The following SHOC2 variants were observed in gnomAD, a reference collection of about 807,000 sequenced individuals.
SHOC2 encodes the protein leucine-rich repeat protein SHOC-2.
Under a neutral mutation model 50.2 loss-of-function variants are expected in SHOC2, and 4 were observed. That is an observed-to-expected ratio of 0.08 (90% CI 0.04 to 0.18). The LOEUF is 0.18. SHOC2 is among the 10% of genes least tolerant of loss of function. The probability of loss-of-function intolerance (pLI) is 1.00; values close to 1 mark genes in which losing one functional copy is unlikely to be tolerated. For missense variants in SHOC2, 388 were observed against 669.6 expected (o/e 0.58, Z 4.64); for synonymous variants, 218 against 244.5 (o/e 0.89, Z 1.01).
At chr10:110,993,311 G>C (rs1028228751) in intron 3 of SHOC2, among the ~76,000 whole-genome samples, 1 of 152,218 alleles carries the variant, frequency 6.6e-6, no homozygotes, top group Non-Finnish European at 1.5e-5. Context: ...TGAAACCACT[G>C]CAGAGGGTGA....
At chr10:110,953,484 G>A (rs774073004) in intron 1 of SHOC2, among the ~76,000 whole-genome samples, 1 of 151,956 alleles carries the variant, frequency 6.6e-6, no homozygotes, top group African/African-American at 2.4e-5. Context: ...TCATTTTAGC[G>A]CTGATTAATA....
intron 2 of SHOC2, among the ~76,000 whole-genome samples, chr10:110,984,139 G>A (rs747306754): frequency 1.3e-5 from 2 of 152,098 alleles, no homozygotes; most frequent in Non-Finnish European, 2.9e-5. Context: ...CAAAGGTTCC[G>A]ATTTCTCCAC....
chr10:111,000,624 C>G (rs1479583880), intron 4 of SHOC2, 79 bp downstream of exon 4: 8 of 1,279,156 alleles, frequency 6.3e-6, no homozygotes, highest in Non-Finnish European at 8.9e-6. Context: ...ATCTTTATAG[C>G]AGGGTAAATA....
chr10:110,937,840 A>G (rs1847059598), intron 1 of SHOC2, among the ~76,000 whole-genome samples: 1 of 152,236 alleles, frequency 6.6e-6, no homozygotes, highest in Admixed American at 6.5e-5. Context: ...AACATTAAGA[A>G]TGAAACTAGT....
chr10:110,935,614 T>C (rs1194763081), intron 1 of SHOC2, among the ~76,000 whole-genome samples: 1 of 152,318 alleles, frequency 6.6e-6, no homozygotes, highest in Non-Finnish European at 1.5e-5. Flanking sequence ...TATAGTTACA[T>C]TCTATTTTGA....
chr10:110,999,951 ATT>A (rs997015368), intron 3 of SHOC2, among the ~76,000 whole-genome samples: 1 of 152,100 alleles, frequency 6.6e-6, no homozygotes, highest in African/African-American at 2.4e-5. Context: ...TCAGAAAATA[ATT>A]TATATTTTAA....
intron 4 of SHOC2, among the ~76,000 whole-genome samples, chr10:111,003,994 G>T (rs542684852): frequency 6.6e-6 from 1 of 152,252 alleles, no homozygotes; most frequent in South Asian, 2.1e-4. Context: ...GCAAGATGGG[G>T]TTATGTGCTA....
chr10:110,967,671 T>C (rs569314160), intron 2 of SHOC2, among the ~76,000 whole-genome samples: 179 of 152,298 alleles, frequency 1.2e-3, no homozygotes, highest in Middle Eastern at 6.8e-3. Context: ...CTACTTTCTG[T>C]CTCTATAGAT....
intron 2 of SHOC2, among the ~76,000 whole-genome samples, chr10:110,984,917 C>G (rs992995076): frequency 2.6e-5 from 4 of 152,086 alleles, no homozygotes; most frequent in African/African-American, 9.7e-5. Context: ...AACTTGAACA[C>G]CTTCCAAAGG....
chr10:110,964,938 C>T lies in SHOC2; in HGVS notation c.580C>T (p.Leu194Phe). 1.9e-6 allele frequency: 3 copies of T among 1,613,740 alleles called. No homozygotes were observed. Among genetic ancestry groups the T allele is most frequent in the Non-Finnish European group, 2.5e-6 (3 of 1,179,916 alleles). ...IPSVVYRLDS[L>F]TTLYLRFNRI... Reference sequence around the variant, plus strand: ...TTCAGTGGTGTATAGGCTGGATTCTCTCACCACTCTTTACCTTCGCTTTAA... The same window carrying T: ...TTCAGTGGTGTATAGGCTGGATTCTTTCACCACTCTTTACCTTCGCTTTAA... Residue 194 changes from leucine (L) to phenylalanine (F), a missense_variant, in exon 2 of 9, where the codon CTC becomes TTC. This residue lies in a region of SHOC2 where 88 missense variants were observed against 147.2 expected (regional missense o/e 0.60). Coordinates refer to ENST00000369452, the MANE Select transcript of SHOC2 (RefSeq NM_007373.4). This position sits in a 1 kb window ranked among gnomAD's most constrained non-coding sequence, Gnocchi z 4.9.
At chr10:110,994,487 T>A (rs1248794470) in intron 3 of SHOC2, among the ~76,000 whole-genome samples, 8 of 152,314 alleles carry the variant, frequency 5.3e-5, no homozygotes, top group Middle Eastern at 3.4e-3. Context: ...AATTCTTTTT[T>A]AAAAAATTAA....
At chr10:110,921,370 C>G (rs761925215) in intron 1 of SHOC2, among the ~76,000 whole-genome samples, 1 of 151,944 alleles carries the variant, frequency 6.6e-6, no homozygotes, top group Non-Finnish European at 1.5e-5. Flanking sequence ...GAAAAATAGA[C>G]AAAAATAAAC....
chr10:110,928,610 T>C (rs1306884653), intron 1 of SHOC2, among the ~76,000 whole-genome samples: 3 of 152,080 alleles, frequency 2.0e-5, no homozygotes, highest in Non-Finnish European at 4.4e-5. Context: ...AAACATCAGC[T>C]GTATGGCAGG....
At chr10:110,979,824 C>T (rs897344610) in intron 2 of SHOC2, among the ~76,000 whole-genome samples, 2 of 152,152 alleles carry the variant, frequency 1.3e-5, no homozygotes, top group Non-Finnish European at 2.9e-5. Context: ...CCATTCCTCT[C>T]TCATAATTGC....
At chr10:110,959,970 T>C (rs1243598747) in intron 1 of SHOC2, among the ~76,000 whole-genome samples, 2 of 152,198 alleles carry the variant, frequency 1.3e-5, no homozygotes, top group African/African-American at 4.8e-5. Flanking sequence ...GCTGGAACAT[T>C]AGAGTTGAAA....
chr10:110,990,757 C>A (rs1179961076), intron 3 of SHOC2, among the ~76,000 whole-genome samples: 1 of 151,324 alleles, frequency 6.6e-6, no homozygotes, highest in Non-Finnish European at 1.5e-5. Flanking sequence ...TCAAAAAAAA[C>A]AAAAACAAAA....
chr10:110,957,538 C>A (rs979187676), intron 1 of SHOC2, among the ~76,000 whole-genome samples: 10 of 150,636 alleles, frequency 6.6e-5, no homozygotes, highest in African/African-American at 2.4e-4. Context: ...AGATACCCCC[C>A]CCCCAGCCCA....
In SHOC2 at chr10:110,944,384, CA is replaced by C. The variant is rs11386096; in HGVS notation, c.-234-19725del. ...AAATGAAAAGTATGTATCTTTGAGC[CA>C]AAAAAAAAAAAAAAAGCTGACTTAG... is the stretch of plus-strand genomic sequence containing the variant. On this transcript the variant is annotated intron_variant, in intron 1 of 8. Transcript: ENST00000369452. Among the ~76,000 whole-genome samples the C allele has an allele frequency of 1.9e-3, 260 of 135,930 alleles. 1 individual carries two copies. Among genetic ancestry groups the C allele is most frequent in the African/African-American group, 4.8e-3 (178 of 36,896 alleles). The allele number at this position is 135,930 out of a possible 152,430, so 89.2% of individuals were successfully genotyped here. A position where few individuals can be genotyped will look rare whatever the true frequency, so the allele number is the denominator to read the frequency against.
intron 1 of SHOC2, among the ~76,000 whole-genome samples, chr10:110,952,146 C>T (rs962968762): frequency 1.3e-5 from 2 of 151,910 alleles, no homozygotes; most frequent in Admixed American, 1.3e-4. Flanking sequence ...TTTTTTTCAG[C>T]TTTTAATAAA....
Sources: gnomAD v4.1 joint callset for allele counts (sites outside exome capture counted in the v4.1 genomes callset) on GRCh38, gnomAD v4.1.1 for gene constraint, gnomAD v4.1.1 regional missense constraint, Gnocchi (gnomAD v3.1) non-coding constraint, MANE v1.5 for transcripts, NCBI Gene and HGNC (gene_info 2026-07-23, HGNC 2026-07-21) for gene names.